Variants in WDR72 observed in about 807,000 individuals in gnomAD.
The protein encoded by WDR72 is WD repeat-containing protein 72.
In WDR72, 120 loss-of-function variants were observed where a neutral mutation model predicts 124.2. The ratio of observed to expected loss-of-function variants is 0.97; its 90% CI spans 0.83 to 1.12. The LOEUF (loss-of-function observed/expected upper bound fraction) is 1.12, where lower values mean the gene tolerates loss of function less well. WDR72 is among the 50% of genes most tolerant of loss of function. The pLI is 0.00. For synonymous variants in WDR72, 452 were observed against 441.7 expected, an observed-to-expected ratio of 1.02 and a Z score of -0.29; for missense variants, 1,387 against 1,278.8, an observed-to-expected ratio of 1.08 and a Z score of -1.29.
intron 14 of WDR72, among the ~76,000 whole-genome samples, chr15:53,658,006 C>T (rs1196024881): frequency 3.3e-5 from 5 of 152,132 alleles, no homozygotes; most frequent in Admixed American, 2.6e-4. Flanking sequence ...TGAGAAAGTA[C>T]ACATTATACT....
At chr15:53,584,701 C>T (rs142270565) in intron 18 of WDR72, among the ~76,000 whole-genome samples, 2 of 152,056 alleles carry the variant, frequency 1.3e-5, no homozygotes, top group East Asian at 1.9e-4. Flanking sequence ...CACAGCAGAA[C>T]CTTTTCATTC....
chr15:53,685,633 C>T (rs1465233401), intron 13 of WDR72, among the ~76,000 whole-genome samples: 57 of 147,140 alleles, frequency 3.9e-4, no homozygotes, highest in African/African-American at 1.2e-3. Flanking sequence ...TTGGAAAACA[C>T]GCTGCAGGAT....
chr15:53,723,081 G>T (rs2017924086), intron 2 of WDR72, among the ~76,000 whole-genome samples, 173 bp from the exon 3 acceptor site: 1 of 152,162 alleles, frequency 6.6e-6, no homozygotes, highest in Non-Finnish European at 1.5e-5. Flanking sequence ...AAACTTCTAG[G>T]TAGAGGAATT....
intron 14 of WDR72, among the ~76,000 whole-genome samples, chr15:53,657,038 G>C (rs1467517090): frequency 6.6e-6 from 1 of 151,966 alleles, no homozygotes; most frequent in Non-Finnish European, 1.5e-5. Context: ...GCCAAGGCGG[G>C]CAGATCACAA....
At chr15:53,603,775 G>C (rs2013150296) in intron 17 of WDR72, among the ~76,000 whole-genome samples, 1 of 152,068 alleles carries the variant, frequency 6.6e-6, no homozygotes, top group African/African-American at 2.4e-5. Context: ...CAGCCAACTA[G>C]AAAGGTGAAG....
chr15:53,527,532 T>C (rs1443076313), intron 18 of WDR72, among the ~76,000 whole-genome samples: 1 of 152,056 alleles, frequency 6.6e-6, no homozygotes, highest in African/African-American at 2.4e-5. Flanking sequence ...ATTTACAGTG[T>C]GAATAAAATC....
At chr15:53,557,463 A>C (rs1005484189) in intron 18 of WDR72, among the ~76,000 whole-genome samples, 2 of 152,098 alleles carry the variant, frequency 1.3e-5, no homozygotes, top group African/African-American at 4.8e-5. Context: ...CACCACATTC[A>C]AAAAGATTAT....
intron 18 of WDR72, among the ~76,000 whole-genome samples, chr15:53,532,090 A>C (rs1291055231): frequency 6.6e-6 from 1 of 152,144 alleles, no homozygotes; most frequent in Non-Finnish European, 1.5e-5. Flanking sequence ...AACTACAATG[A>C]GACATCATCT....
At chr15:53,563,584 TTTA>T (rs1376082380) in intron 18 of WDR72, among the ~76,000 whole-genome samples, 2 of 151,830 alleles carry the variant, frequency 1.3e-5, no homozygotes, top group African/African-American at 4.8e-5. Flanking sequence ...TTTAAAAATG[TTTA>T]TTAATACCCC....
intron 18 of WDR72, among the ~76,000 whole-genome samples, chr15:53,584,474 A>G (rs962556996): frequency 1.3e-5 from 2 of 152,144 alleles, no homozygotes; most frequent in East Asian, 3.9e-4. Context: ...TCATCTAAAC[A>G]AGCTACATTT....
chr15:53,735,661 A>G (rs2447072), intron 1 of WDR72, among the ~76,000 whole-genome samples: 94,572 of 151,928 alleles, frequency 0.62, 29,642 homozygotes, highest in African/African-American at 0.68. Context: ...AGAGTGAACG[A>G]GATTTCTGTA....
Position 53,615,602 on chromosome 15 carries a change from C to CA in WDR72, c.2603dup (p.Leu868PhefsTer6). 1.2e-6 allele frequency: 2 copies of CA among 1,612,684 alleles called. No individual in the cohort carries two copies. Among genetic ancestry groups the CA allele is most frequent in the Non-Finnish European group, 1.7e-6 (2 of 1,179,296 alleles). ...TGGCTGTGTATTTATCTGACAAGTC[C>CA]AAAACTTTCCTGGAAAATAAATTTA... On this transcript the variant is annotated frameshift_variant, in exon 15 of 20. Coordinates refer to ENST00000360509, the MANE Select transcript of WDR72 (RefSeq NM_182758.4). LOFTEE classifies it high-confidence loss of function.
chr15:53,623,154 T>G lies in WDR72; in HGVS notation c.1963-6911A>C, dbSNP rs574126376. ...ACTAACTCTTTTTTTTCAACTTTTA[T>G]TTTAGATTCAGGGGCTACATCTGCA... On this transcript the variant is annotated intron_variant, in intron 14 of 19. Transcript: ENST00000360509. Among the ~76,000 whole-genome samples, 3 of 152,240 alleles carry G rather than the reference T, an allele frequency of 2.0e-5. No homozygotes were observed. In the South Asian group the frequency reaches 6.2e-4, roughly 32 times the overall value.
intron 14 of WDR72, among the ~76,000 whole-genome samples, chr15:53,630,145 C>A (rs946297915): frequency 6.6e-6 from 1 of 151,942 alleles, no homozygotes; most frequent in East Asian, 1.9e-4. Flanking sequence ...ACATAAACGA[C>A]CAAAACTGGC....
chr15:53,726,187 T>TAC (rs1183010351), intron 2 of WDR72, among the ~76,000 whole-genome samples: 2 of 140,964 alleles, frequency 1.4e-5, no homozygotes, highest in African/African-American at 5.9e-5. Flanking sequence ...AATATATATA[T>TAC]ATATATGTGT....
chr15:53,677,409 A>G (rs954499507), intron 13 of WDR72, among the ~76,000 whole-genome samples: 1 of 152,156 alleles, frequency 6.6e-6, no homozygotes, highest in Middle Eastern at 3.2e-3. Context: ...ACATCAAAAA[A>G]TTCCTTTTAA....
At chr15:53,633,619 T>C (rs1204980399) in intron 14 of WDR72, among the ~76,000 whole-genome samples, 1 of 152,224 alleles carries the variant, frequency 6.6e-6, no homozygotes, top group Admixed American at 6.5e-5. Flanking sequence ...TCTAACAGCA[T>C]AGTCTCTGGA....
At chr15:53,570,114 A>G (rs1050158028) in intron 18 of WDR72, among the ~76,000 whole-genome samples, 14 of 152,044 alleles carry the variant, frequency 9.2e-5, no homozygotes, top group African/African-American at 3.4e-4. Context: ...TTTTTCCAGT[A>G]TATACTTTTT....
rs984909203 is a variant in WDR72 at position 53,752,471 on chromosome 15, G to A, written c.-13+7162C>T. On this transcript the variant is annotated intron_variant, in intron 1 of 19. Transcript: ENST00000360509. ...AAGTCAGGTAAAGGTGAAGGCAGAC[G>A]TTGGGGTGACTTCTGCAGGCCAAGG... Among the ~76,000 whole-genome samples the A allele has an allele frequency of 2.6e-5, 4 of 152,152 alleles. 1 individual carries two copies. The highest frequency in any genetic ancestry group is 4.1e-4 in the South Asian group (2 of 4,826).
Sources: allele counts gnomAD v4.1 joint callset (sites outside exome capture counted in the v4.1 genomes callset), GRCh38; gene constraint gnomAD v4.1.1; transcripts MANE v1.5; gene names NCBI Gene and HGNC (gene_info 2026-07-23, HGNC 2026-07-21).